IGF1R: variants seen among roughly 807,000 people sequenced by gnomAD.
IGF1R encodes insulin-like growth factor 1 receptor.
In IGF1R, 44 loss-of-function variants were observed where a neutral mutation model predicts 144.6. The ratio of observed to expected loss-of-function variants is 0.30; its 90% confidence interval spans 0.24 to 0.39. IGF1R has a LOEUF of 0.39. IGF1R is among the 10% of genes least tolerant of loss of function. IGF1R has a pLI of 1.00. For missense variants in IGF1R, 1,355 were observed against 1,833.7 expected, an observed-to-expected ratio of 0.74 and a Z score of 4.77; for synonymous variants, 795 against 722.8, an observed-to-expected ratio of 1.10 and a Z score of -1.60.
At chr15:98,928,596 A>T (rs1478070844) in intron 13 of IGF1R, among the ~76,000 whole-genome samples, 1 of 152,152 alleles carries the variant, frequency 6.6e-6, no homozygotes, top group Non-Finnish European at 1.5e-5. Flanking sequence ...ATTTCCCCAC[A>T]ACCCCCAAGG....
intron 2 of IGF1R, among the ~76,000 whole-genome samples, chr15:98,865,018 T>A (rs145202807): frequency 6.6e-6 from 1 of 152,196 alleles, no homozygotes; most frequent in African/African-American, 2.4e-5. Flanking sequence ...GTAGCTGTTA[T>A]ATTTGGGAGA....
chr15:98,918,110 G>A (rs2015328598), intron 10 of IGF1R, among the ~76,000 whole-genome samples: 2 of 152,034 alleles, frequency 1.3e-5, no homozygotes, highest in South Asian at 4.1e-4. Context: ...GAAAGGAGAT[G>A]GAAGCACAGT....
chr15:98,945,816 A>G (rs2016527888), intron 19 of IGF1R, among the ~76,000 whole-genome samples: 1 of 152,180 alleles, frequency 6.6e-6, no homozygotes. Flanking sequence ...TAAGCTGTGA[A>G]GGACGACTGA....
At chr15:98,949,243 C>G (rs1321182147) in intron 20 of IGF1R, among the ~76,000 whole-genome samples, 1 of 152,136 alleles carries the variant, frequency 6.6e-6, no homozygotes, top group African/African-American at 2.4e-5. Context: ...TAAGTGTTTA[C>G]AAAAGTCATA....
rs554886597 is a variant in IGF1R at position 98,894,981 on chromosome 15, G to A, written c.954-1776G>A. On this transcript the variant is annotated intron_variant, in intron 3 of 20. Transcript: ENST00000650285. Reference sequence around the variant, plus strand: ...GGTTGCAGTGAGCTGAGATCATGCCGCTGCACTGTAGCCTGGGCGACAGAG... The same window carrying A: ...GGTTGCAGTGAGCTGAGATCATGCCACTGCACTGTAGCCTGGGCGACAGAG... 4.2e-3 allele frequency among the ~76,000 whole-genome samples: 632 copies of A among 149,730 alleles called. 5 individuals carry two copies. Among genetic ancestry groups the A allele is most frequent in the Non-Finnish European group, 7.2e-3 (487 of 67,728 alleles).
chr15:98,682,638 T>G (rs1249371717), intron 1 of IGF1R, among the ~76,000 whole-genome samples: 2 of 152,020 alleles, frequency 1.3e-5, no homozygotes, highest in Non-Finnish European at 2.9e-5. Flanking sequence ...GCCTCTGCCT[T>G]CCGAGTTCCA....
At chr15:98,783,954 T>C (rs2055919657) in intron 2 of IGF1R, among the ~76,000 whole-genome samples, 1 of 140,676 alleles carries the variant, frequency 7.1e-6, no homozygotes, top group Non-Finnish European at 1.5e-5. Flanking sequence ...CTATGGCATC[T>C]GAAATTTTTT....
intron 2 of IGF1R, among the ~76,000 whole-genome samples, chr15:98,870,645 A>G (rs2012734102): frequency 6.6e-6 from 1 of 152,130 alleles, no homozygotes; most frequent in South Asian, 2.1e-4. Context: ...ATGATTTAGT[A>G]CTGTCAGCGC....
intron 2 of IGF1R, among the ~76,000 whole-genome samples, chr15:98,733,704 T>C (rs1423913327): frequency 2.0e-5 from 3 of 152,138 alleles, no homozygotes; most frequent in South Asian, 2.1e-4. Flanking sequence ...CTCCCCCCAC[T>C]GTAAGGTCTT....
rs867633682 is a variant in IGF1R at position 98,962,754 on chromosome 15, A to T, written c.*5312A>T. ...ACTTGATTGTTCTTGAAGCTATCAG[A>T]CCACATCGAGGCTCAGCAGTCATCC... is the stretch of plus-strand genomic sequence containing the variant. On this transcript the variant is annotated 3_prime_UTR_variant, in exon 21 of 21. Transcript: ENST00000650285. 3.9e-5 allele frequency: 9 copies of T among 233,416 alleles called. No homozygotes were observed. The highest frequency in any genetic ancestry group is 2.5e-3 in the Middle Eastern group (2 of 806). 14.5% of individuals were successfully genotyped at this position (233,416 alleles called of 1,614,324 possible).
chr15:98,885,453 G>A (rs2013593542), intron 2 of IGF1R, among the ~76,000 whole-genome samples: 1 of 152,108 alleles, frequency 6.6e-6, no homozygotes, highest in Admixed American at 6.5e-5. Context: ...TCCTGGCAAG[G>A]CAAGAGAATC....
intron 2 of IGF1R, among the ~76,000 whole-genome samples, chr15:98,746,484 A>G (rs2054869716): frequency 6.6e-6 from 1 of 152,112 alleles, no homozygotes; most frequent in African/African-American, 2.4e-5. Context: ...GTAACTTAGC[A>G]CACCTTGTAC....
At chr15:98,788,677 G>T (rs2056062398) in intron 2 of IGF1R, among the ~76,000 whole-genome samples, 1 of 152,196 alleles carries the variant, frequency 6.6e-6, no homozygotes, top group Non-Finnish European at 1.5e-5. Flanking sequence ...CGCCCGCCCT[G>T]CTGAGGTCTG....
intron 2 of IGF1R, among the ~76,000 whole-genome samples, chr15:98,799,722 G>C (rs1186198676): frequency 6.6e-6 from 1 of 152,150 alleles, no homozygotes. Flanking sequence ...CAGAATGGCT[G>C]ATCCCCAGCA....
At chr15:98,682,462 G>A (rs1453477657) in intron 1 of IGF1R, among the ~76,000 whole-genome samples, 3 of 152,130 alleles carry the variant, frequency 2.0e-5, no homozygotes, top group South Asian at 2.1e-4. Flanking sequence ...TACTGTAGGC[G>A]ATTTAGAAAT....
At chr15:98,748,899 A>G (rs1400998798) in intron 2 of IGF1R, among the ~76,000 whole-genome samples, 1 of 152,218 alleles carries the variant, frequency 6.6e-6, no homozygotes, top group Non-Finnish European at 1.5e-5. Context: ...AAGAGCCAGG[A>G]GGAGGTACTA....
chr15:98,876,172 A>G (rs1351983304), intron 2 of IGF1R, among the ~76,000 whole-genome samples: 1 of 152,196 alleles, frequency 6.6e-6, no homozygotes, highest in African/African-American at 2.4e-5. Context: ...GAAAAAGCAG[A>G]AGGTTGCTGG....
At chr15:98,695,376 T>C (rs1307420858) in intron 1 of IGF1R, among the ~76,000 whole-genome samples, 2 of 152,210 alleles carry the variant, frequency 1.3e-5, no homozygotes, top group Non-Finnish European at 2.9e-5. Flanking sequence ...GCTGTCAGCA[T>C]GCACGATGTG....
intron 2 of IGF1R, among the ~76,000 whole-genome samples, chr15:98,867,526 G>A (rs934480225): frequency 1.4e-4 from 22 of 152,236 alleles, no homozygotes; most frequent in African/African-American, 4.6e-4. Flanking sequence ...CATCGTGTGG[G>A]CCTCTTGGCT....
Sources: allele counts gnomAD v4.1 joint callset (sites outside exome capture counted in the v4.1 genomes callset), GRCh38; gene constraint gnomAD v4.1.1; transcripts MANE v1.5; gene names NCBI Gene and HGNC (gene_info 2026-07-23, HGNC 2026-07-21).